The following RGS7BP variants were observed in gnomAD, a reference collection of about 807,000 sequenced individuals.
RGS7BP encodes the protein regulator of G protein signaling 7 binding protein.
A neutral mutation model predicts 31.3 loss-of-function variants in RGS7BP; 9 were observed. The ratio of observed to expected loss-of-function variants is 0.29; its 90% CI spans 0.17 to 0.50. RGS7BP has a LOEUF of 0.50. RGS7BP is among the 20% of genes least tolerant of loss of function. RGS7BP has a pLI of 0.98. For missense variants in RGS7BP, 274 were observed against 322.0 expected, an observed-to-expected ratio of 0.85 and a Z score of 1.14; for synonymous variants, 115 against 120.1, an observed-to-expected ratio of 0.96 and a Z score of 0.28.
rs1743506292 is a variant in RGS7BP, at chr5:64,611,639, A to G, written c.*2387A>G. The G allele has an allele frequency of 6.6e-6, 1 of 152,248 alleles. No homozygotes were observed. Among genetic ancestry groups the G allele is most frequent in the South Asian group, 2.1e-4 (1 of 4,824 alleles). The allele number at this position is 152,248 out of a possible 1,614,324, so 9.4% of individuals were successfully genotyped here. ...TTCAGCTACCGTATCTTTTATTCAT[A>G]GTGCCTGTTTTCCAGCCTTTGATCA... On this transcript the variant is annotated 3_prime_UTR_variant, in exon 6 of 6. Coordinates refer to ENST00000334025, the MANE Select transcript of RGS7BP (RefSeq NM_001029875.3).
At chr5:64,513,003 A>T (rs905054199) in intron 2 of RGS7BP, among the ~76,000 whole-genome samples, 2 of 152,210 alleles carry the variant, frequency 1.3e-5, no homozygotes, top group African/African-American at 4.8e-5. Flanking sequence ...TGACAGTGTT[A>T]CATTGAAGGA....
At chr5:64,526,488 G>A (rs1749233689) in intron 2 of RGS7BP, among the ~76,000 whole-genome samples, 1 of 152,160 alleles carries the variant, frequency 6.6e-6, no homozygotes, top group African/African-American at 2.4e-5. Flanking sequence ...AACACAGAAG[G>A]CAGTCTTTTC....
chr5:64,536,091 A>G (rs1223019075), intron 2 of RGS7BP, among the ~76,000 whole-genome samples: 1 of 152,204 alleles, frequency 6.6e-6, no homozygotes, highest in Non-Finnish European at 1.5e-5. Flanking sequence ...GTGTAGCAGG[A>G]CTTTCAGAAC....
chr5:64,550,836 T>A (rs2111835263), intron 2 of RGS7BP, among the ~76,000 whole-genome samples: 1 of 150,994 alleles, frequency 6.6e-6, no homozygotes, highest in African/African-American at 2.4e-5. Flanking sequence ...CGGTGTTTGG[T>A]TTTTTGTCCT....
At chr5:64,508,725 A>G (rs916898761) in intron 2 of RGS7BP, among the ~76,000 whole-genome samples, 12 of 152,214 alleles carry the variant, frequency 7.9e-5, no homozygotes, top group African/African-American at 1.7e-4. Context: ...CAGTCTGGAT[A>G]TAGTATTTAC....
intron 2 of RGS7BP, among the ~76,000 whole-genome samples, chr5:64,517,161 C>T (rs1748999228): frequency 6.6e-6 from 1 of 152,064 alleles, no homozygotes; most frequent in Admixed American, 6.6e-5. Flanking sequence ...CACAGAATCT[C>T]AGCCATCAGT....
chr5:64,575,829 T>G lies in RGS7BP; in HGVS notation c.388T>G (p.Cys130Gly). ...EICRLYIQLQ[C>G]CLEMYTTEML... The stretch of plus-strand genomic sequence containing the variant: ...CTGTCGGCTTTACATCCAGCTGCAG[T>G]GCTGCTTAGAAATGTATACCACAGA... Residue 130 changes from cysteine to glycine, a missense_variant, in exon 3 of 6, where the codon TGC (cysteine) becomes GGC (glycine). Coordinates refer to ENST00000334025, the MANE Select transcript of RGS7BP (RefSeq NM_001029875.3). 6.2e-7 allele frequency: 1 copy of G among 1,613,066 alleles called. No homozygotes were observed. The highest frequency in any genetic ancestry group is 8.5e-7 in the Non-Finnish European group (1 of 1,179,486).
intron 2 of RGS7BP, among the ~76,000 whole-genome samples, chr5:64,563,504 G>A (rs1215800377): frequency 6.6e-6 from 1 of 152,132 alleles, no homozygotes; most frequent in African/African-American, 2.4e-5. Flanking sequence ...CACAGAGAAA[G>A]CTCTGTGTAG....
chr5:64,593,810 T>A (rs1742986468), intron 3 of RGS7BP, among the ~76,000 whole-genome samples: 1 of 152,180 alleles, frequency 6.6e-6, no homozygotes, highest in Non-Finnish European at 1.5e-5. Context: ...AACAAATGAC[T>A]AAGCCAGGTT....
intron 5 of RGS7BP, among the ~76,000 whole-genome samples, chr5:64,606,930 T>C (rs534879547): frequency 6.6e-6 from 1 of 152,234 alleles, no homozygotes; most frequent in East Asian, 1.9e-4. Context: ...TTCTCCATGT[T>C]AACAGAATAT....
chr5:64,561,097 A>AC (rs934488480), intron 2 of RGS7BP, among the ~76,000 whole-genome samples: 8 of 151,892 alleles, frequency 5.3e-5, no homozygotes, highest in African/African-American at 7.3e-5. Flanking sequence ...TTTTCCCCAT[A>AC]CCCCCACATA....
chr5:64,540,751 G>A (rs1392625567), intron 2 of RGS7BP, among the ~76,000 whole-genome samples: 1 of 152,200 alleles, frequency 6.6e-6, no homozygotes, highest in Non-Finnish European at 1.5e-5. Flanking sequence ...AAAGCAGTGG[G>A]AAGACAGGAT....
chr5:64,533,220 C>A (rs73109071), intron 2 of RGS7BP, among the ~76,000 whole-genome samples: 3,416 of 152,196 alleles, frequency 0.022, 75 homozygotes, highest in African/African-American at 0.056. Flanking sequence ...CTTCTCTTTG[C>A]TCCTGAAACA....
intron 4 of RGS7BP, among the ~76,000 whole-genome samples, chr5:64,596,747 C>G (rs1038854381): frequency 6.6e-6 from 1 of 152,142 alleles, no homozygotes. Context: ...CTCAAGGCTG[C>G]TTTCCCTTCC....
chr5:64,587,793 G>C (rs1466505123), intron 3 of RGS7BP, among the ~76,000 whole-genome samples: 1 of 152,168 alleles, frequency 6.6e-6, no homozygotes, highest in African/African-American at 2.4e-5. Context: ...GCCAAAAACA[G>C]GCAGGGTACC....
rs1743450259 is a variant in RGS7BP at position 64,609,497 on chromosome 5, G to T, written c.*245G>T. On this transcript the variant is annotated 3_prime_UTR_variant, in exon 6 of 6. Coordinates refer to ENST00000334025, the MANE Select transcript of RGS7BP (RefSeq NM_001029875.3). ...AAAAGGGAATTTTAAAGCTGACATT[G>T]TGCATGTCTGCTCCAAACCACGCCA... 2.0e-6 allele frequency: 1 copy of T among 492,906 alleles called. No individual in the cohort carries two copies. Among genetic ancestry groups the T allele is most frequent in the Non-Finnish European group, 3.7e-6 (1 of 271,508 alleles). 30.5% of individuals were successfully genotyped at this position (492,906 alleles called of 1,614,324 possible). A position where few individuals can be genotyped will look rare whatever the true frequency, so the allele number is the denominator to read the frequency against.
chr5:64,532,374 C>A (rs1169763757), intron 2 of RGS7BP, among the ~76,000 whole-genome samples: 1 of 151,684 alleles, frequency 6.6e-6, no homozygotes, highest in Non-Finnish European at 1.5e-5. Flanking sequence ...AACAGAAGAG[C>A]CCCGTAGAAC....
At chr5:64,535,855 T>C (rs1741336991) in intron 2 of RGS7BP, among the ~76,000 whole-genome samples, 1 of 152,180 alleles carries the variant, frequency 6.6e-6, no homozygotes, top group South Asian at 2.1e-4. Context: ...ATATCAGCTT[T>C]GAAAAAGGTA....
chr5:64,510,022 T>C (rs1256683947), intron 2 of RGS7BP, among the ~76,000 whole-genome samples: 2 of 152,308 alleles, frequency 1.3e-5, no homozygotes, highest in East Asian at 1.9e-4. Flanking sequence ...ATATCATTTG[T>C]TATGTGGGTT....
Sources: allele counts gnomAD v4.1 joint callset (sites outside exome capture counted in the v4.1 genomes callset), GRCh38; gene constraint gnomAD v4.1.1; transcripts MANE v1.5; gene names NCBI Gene and HGNC (gene_info 2026-07-23, HGNC 2026-07-21).